Variants in ITGA4 observed in about 807,000 individuals in gnomAD.
ITGA4 encodes the protein integrin alpha-4.
Under a neutral mutation model 133.6 loss-of-function variants are expected in ITGA4, and 63 were observed. The ratio of observed to expected loss-of-function variants is 0.47; its 90% CI spans 0.38 to 0.58. The LOEUF (loss-of-function observed/expected upper bound fraction) is 0.58. ITGA4 is among the 20% of genes least tolerant of loss of function. The pLI, the probability that ITGA4 is intolerant of heterozygous loss-of-function variation, is 0.00. For synonymous variants in ITGA4, 483 were observed against 438.0 expected (o/e 1.10, Z -1.28); for missense variants, 1,076 against 1,252.7 (o/e 0.86, Z 2.13).
intron 15 of ITGA4, among the ~76,000 whole-genome samples, chr2:181,500,757 A>C (rs1686250001): frequency 6.6e-6 from 1 of 152,094 alleles, no homozygotes; most frequent in Non-Finnish European, 1.5e-5. Context: ...TCACTCCATT[A>C]ATTTGATAGG....
At position 181,498,797 on chromosome 2, in the gene ITGA4, A is replaced by G. The variant is rs777185954; in HGVS notation, c.1695+20A>G. ...ATGCGGGTAATGTAAGCTATTTTTT[A>G]TTAATGAATATGTGAACTTCAACGT... On this transcript the variant is annotated intron_variant, in intron 15 of 27. Transcript: ENST00000397033. 14 of 1,571,756 alleles carry G rather than the reference A, an allele frequency of 8.9e-6. No individual in the cohort carries two copies. In the East Asian group the frequency reaches 2.1e-4, roughly 23 times the overall value.
chr2:181,532,285 T>C (rs1490938813), intron 25 of ITGA4, among the ~76,000 whole-genome samples: 1 of 152,234 alleles, frequency 6.6e-6, no homozygotes, highest in African/African-American at 2.4e-5. Context: ...TTTCTAATTC[T>C]GTGAAGAAAG....
At chr2:181,481,091 A>G (rs1017261675) in intron 6 of ITGA4, among the ~76,000 whole-genome samples, 2 of 152,186 alleles carry the variant, frequency 1.3e-5, no homozygotes, top group African/African-American at 4.8e-5. Context: ...TTACAATTCA[A>G]TGTTTTCTTG....
Position 181,509,820 on chromosome 2 carries a change from T to A in ITGA4, c.1845+13T>A. Reference sequence around the variant, plus strand: ...AATGAAAAAAACAGTAGGAATATTTTCCTTTATTCAAATTATTGTATGGCA... The same window carrying A: ...AATGAAAAAAACAGTAGGAATATTTACCTTTATTCAAATTATTGTATGGCA... On this transcript the variant is annotated intron_variant, in intron 16 of 27. Coordinates refer to ENST00000397033, the MANE Select transcript of ITGA4 (RefSeq NM_000885.6). 6.3e-7 allele frequency: 1 copy of A among 1,584,004 alleles called. No individual in the cohort carries two copies. The highest frequency in any genetic ancestry group is 8.6e-7 in the Non-Finnish European group (1 of 1,159,416).
intron 12 of ITGA4, 109 bp downstream of exon 12, chr2:181,494,921 A>G: frequency 1.5e-6 from 1 of 651,338 alleles, no homozygotes; most frequent in East Asian, 2.7e-5. Flanking sequence ...CTTACTGATA[A>G]TTTTTTTTCT....
At chr2:181,532,148 C>G (rs1839266) in intron 25 of ITGA4, among the ~76,000 whole-genome samples, 107,156 of 152,096 alleles carry the variant, frequency 0.7, 38,133 homozygotes, top group South Asian at 0.89. Flanking sequence ...GCCTCTGTAT[C>G]TGTTTTGGTT....
chr2:181,478,316 A>T (rs1685726485), intron 4 of ITGA4, among the ~76,000 whole-genome samples: 1 of 152,052 alleles, frequency 6.6e-6, no homozygotes, highest in Non-Finnish European at 1.5e-5. Context: ...GTGCACTGGA[A>T]ATTTGCCAAG....
intron 4 of ITGA4, among the ~76,000 whole-genome samples, chr2:181,476,697 G>A (rs1685684565): frequency 6.6e-6 from 1 of 152,224 alleles, no homozygotes; most frequent in South Asian, 2.1e-4. Context: ...GTTAGCAATA[G>A]CAAAGACATG....
At chr2:181,473,329 T>A (rs1685599786) in intron 2 of ITGA4, among the ~76,000 whole-genome samples, 1 of 152,148 alleles carries the variant, frequency 6.6e-6, no homozygotes, top group Non-Finnish European at 1.5e-5. Context: ...GGGATCTAGG[T>A]TGTGCTTTCC....
chr2:181,489,660 T>C (rs1251089606), intron 10 of ITGA4, among the ~76,000 whole-genome samples: 2 of 152,216 alleles, frequency 1.3e-5, no homozygotes, highest in African/African-American at 4.8e-5. Flanking sequence ...TGAGCACTTC[T>C]GTTTTATTTG....
Position 181,509,207 on chromosome 2 carries a change from T to A in ITGA4, c.1696-451T>A, listed in dbSNP as rs183769369. ...ACTAAAAAGGATGTTTTATAATAAATCTGGAGTCAAATGAATCAAATTCAA... is the reference window on the plus strand; with the variant it reads ...ACTAAAAAGGATGTTTTATAATAAAACTGGAGTCAAATGAATCAAATTCAA... On this transcript the variant is annotated intron_variant, in intron 15 of 27. Coordinates refer to ENST00000397033, the MANE Select transcript of ITGA4 (RefSeq NM_000885.6). Among the ~76,000 whole-genome samples, 738 of 108,022 alleles carry A rather than the reference T, an allele frequency of 6.8e-3. 9 individuals carry two copies. The highest frequency in any genetic ancestry group is 0.025 in the African/African-American group (700 of 27,902). 70.9% of individuals were successfully genotyped at this position (108,022 alleles called of 152,430 possible). A position where few individuals can be genotyped will look rare whatever the true frequency, so the allele number is the denominator to read the frequency against.
chr2:181,533,014 C>T (rs1215985931), intron 25 of ITGA4, among the ~76,000 whole-genome samples: 2 of 151,914 alleles, frequency 1.3e-5, no homozygotes, highest in Admixed American at 1.3e-4. Context: ...CTAAGGCTTT[C>T]ATAAAATCAA....
rs893850679 is a variant in ITGA4 at position 181,457,533 on chromosome 2, G to C, written c.-122G>C. 4 of 916,308 alleles carry C rather than the reference G, an allele frequency of 4.4e-6. No homozygotes were observed. Among genetic ancestry groups the C allele is most frequent in the African/African-American group, 3.4e-5 (2 of 58,490 alleles). 56.8% of individuals were successfully genotyped at this position (916,308 alleles called of 1,614,324 possible). On this transcript the variant is annotated 5_prime_UTR_variant, in exon 1 of 28. Transcript: ENST00000397033. ...CTTCCCTCTCTCCTTCCTTTAGCCC[G>C]CTGGCGCCGGACACGCTGCGCCTCA...
At chr2:181,478,208 T>C (rs1457287709) in intron 4 of ITGA4, among the ~76,000 whole-genome samples, 1 of 147,834 alleles carries the variant, frequency 6.8e-6, no homozygotes, top group East Asian at 1.9e-4. Context: ...AGAGAGAGGG[T>C]TAGGAATAGG....
Position 181,518,531 on chromosome 2 carries a change from T to G in ITGA4, c.1923-3660T>G, listed in dbSNP as rs115533015. ...TAAATATGGTAATATGTTATATGTT[T>G]ATTTTGTAATTAATTTACTCATCAA... is the stretch of plus-strand genomic sequence containing the variant. On this transcript the variant is annotated intron_variant, in intron 17 of 27. Coordinates refer to ENST00000397033, the MANE Select transcript of ITGA4 (RefSeq NM_000885.6). 4.3e-3 allele frequency among the ~76,000 whole-genome samples: 648 copies of G among 152,232 alleles called. 5 individuals are homozygous for G. The highest frequency in any genetic ancestry group is 0.033 in the South Asian group (157 of 4,824).
rs1231845447 is a variant in ITGA4 at position 181,457,733 on chromosome 2, G to T, written c.79G>T (p.Gly27Trp). Residue 27 changes from glycine to tryptophan, a missense_variant, in exon 1 of 28, where the codon GGG becomes TGG. Around this residue, in one of 4 missense-constraint regions of ITGA4, gnomAD observed 82 missense variants for 68.3 expected, o/e 1.20. Transcript: ENST00000397033. The stretch of plus-strand genomic sequence containing the variant: ...GACGGTGATGCTGTTGCTGTGCCTG[G>T]GGGTCCCGACCGGCCGCCCCTACAA... ...RETVMLLLCL[G>W]VPTGRPYNVD... 1 of 1,612,838 alleles carries T rather than the reference G, an allele frequency of 6.2e-7. No individual in the cohort carries two copies. The highest frequency in any genetic ancestry group is 1.7e-5 in the Admixed American group (1 of 59,946).
chr2:181,507,965 AT>A (rs377556208), intron 15 of ITGA4, among the ~76,000 whole-genome samples: 1 of 151,596 alleles, frequency 6.6e-6, no homozygotes, highest in Non-Finnish European at 1.5e-5. Context: ...GCTTTCAAAG[AT>A]TTTTTTTTGT....
intron 15 of ITGA4, among the ~76,000 whole-genome samples, chr2:181,501,999 A>C (rs887051772): frequency 6.6e-6 from 1 of 152,090 alleles, no homozygotes; most frequent in Non-Finnish European, 1.5e-5. Flanking sequence ...CCGCTACAAC[A>C]TGAAGAGGTT....
At chr2:181,503,063 C>T (rs12473700) in intron 15 of ITGA4, among the ~76,000 whole-genome samples, 148,781 of 152,142 alleles carry the variant, frequency 0.98, 72,849 homozygotes, top group Middle Eastern at 1. Flanking sequence ...TTGTTGGAAT[C>T]GACTATTAAA....
Sources: allele counts gnomAD v4.1 joint callset (sites outside exome capture counted in the v4.1 genomes callset), GRCh38; gene constraint gnomAD v4.1.1; regional missense constraint gnomAD v4.1.1; transcripts MANE v1.5; gene names NCBI Gene and HGNC (gene_info 2026-07-23, HGNC 2026-07-21).